The following DOCK3 variants were observed in gnomAD, a reference collection of about 807,000 sequenced individuals.
DOCK3 encodes the protein dedicator of cytokinesis protein 3.
In DOCK3, 60 loss-of-function variants were observed where a neutral mutation model predicts 265.6. The observed-to-expected ratio is 0.23, with a 90% CI of 0.18 to 0.28. The LOEUF is 0.28. DOCK3 is among the 10% of genes least tolerant of loss of function. The pLI is 1.00. For missense variants in DOCK3, 1,981 were observed against 2,594.3 expected, an observed-to-expected ratio of 0.76 and a Z score of 5.14; for synonymous variants, 881 against 938.0, an observed-to-expected ratio of 0.94 and a Z score of 1.11.
chr3:50,961,671 CTTTTGAACCTTA>C (rs1169824910), intron 5 of DOCK3, among the ~76,000 whole-genome samples: 1 of 152,114 alleles, frequency 6.6e-6, no homozygotes, highest in East Asian at 1.9e-4. Context: ...TTTAATTAGA[CTTTTGAACCTTA>C]TTTCTCTAAA....
chr3:50,730,693 C>T (rs1004200249), intron 1 of DOCK3, among the ~76,000 whole-genome samples: 2 of 151,908 alleles, frequency 1.3e-5, no homozygotes, highest in African/African-American at 4.8e-5. Flanking sequence ...TAGCCAGGTG[C>T]TGTGGTGTGC....
intron 35 of DOCK3, chr3:51,336,997 C>A: frequency 2.4e-6 from 1 of 421,682 alleles, no homozygotes; most frequent in South Asian, 1.7e-5. Context: ...CTCAGCCTCA[C>A]TCCTCGAAAA....
At chr3:51,247,534 A>C (rs1015457284) in intron 22 of DOCK3, among the ~76,000 whole-genome samples, 4 of 152,272 alleles carry the variant, frequency 2.6e-5, no homozygotes, top group Admixed American at 2.0e-4. Flanking sequence ...CATCACCTGC[A>C]ACAAGTACTG....
chr3:51,139,258 G>GGGC (rs1553769290), intron 9 of DOCK3, among the ~76,000 whole-genome samples: 10 of 150,244 alleles, frequency 6.7e-5, no homozygotes, highest in African/African-American at 2.5e-4. Context: ...CTGCAGTGGG[G>GGGC]GGAGGGCTAA....
At chr3:51,174,550 T>C (rs2086846680) in intron 12 of DOCK3, among the ~76,000 whole-genome samples, 1 of 152,174 alleles carries the variant, frequency 6.6e-6, no homozygotes, top group Admixed American at 6.5e-5. Flanking sequence ...TAGTTATCTA[T>C]CTGTTCTCTT....
chr3:51,233,773 A>G (rs976403966), intron 19 of DOCK3, among the ~76,000 whole-genome samples: 2 of 152,226 alleles, frequency 1.3e-5, no homozygotes, highest in Admixed American at 6.5e-5. Context: ...ACGCAATTGC[A>G]TTCTTGATTT....
chr3:50,872,685 G>C (rs890270148), intron 3 of DOCK3, among the ~76,000 whole-genome samples: 2 of 152,212 alleles, frequency 1.3e-5, no homozygotes, highest in South Asian at 2.1e-4. Flanking sequence ...CCAGGGACTA[G>C]AGTCAAAAAC....
chr3:51,176,930 C>T (rs940099570), intron 12 of DOCK3, among the ~76,000 whole-genome samples: 5 of 152,170 alleles, frequency 3.3e-5, no homozygotes, highest in Non-Finnish European at 5.9e-5. Flanking sequence ...TCCACTTTTA[C>T]ATTTAAACTA....
At chr3:50,778,652 T>C in intron 1 of DOCK3, 23 bp from the exon 2 acceptor site, 1 of 1,548,690 alleles carries the variant, frequency 6.5e-7, no homozygotes, top group Non-Finnish European at 8.8e-7. Flanking sequence ...TGCTAATTGG[T>C]GTGTTTATCC....
chr3:50,688,021 C>T (rs984407740), intron 1 of DOCK3, among the ~76,000 whole-genome samples: 8 of 152,140 alleles, frequency 5.3e-5, no homozygotes, highest in African/African-American at 1.9e-4. Flanking sequence ...ATATCTTCTG[C>T]TATTTTATTT....
At chr3:51,320,855 C>T (rs1190658744) in intron 32 of DOCK3, among the ~76,000 whole-genome samples, 1 of 152,206 alleles carries the variant, frequency 6.6e-6, no homozygotes, top group African/African-American at 2.4e-5. Context: ...ACCCCCATCT[C>T]CCTGGGACAG....
intron 2 of DOCK3, among the ~76,000 whole-genome samples, chr3:50,796,624 C>T (rs1378245695): frequency 6.6e-6 from 1 of 152,218 alleles, no homozygotes; most frequent in Non-Finnish European, 1.5e-5. Flanking sequence ...AGGCGTGAGC[C>T]ACCGCGTCCA....
At chr3:50,956,740 C>T (rs377694889) in intron 5 of DOCK3, among the ~76,000 whole-genome samples, 16 of 152,102 alleles carry the variant, frequency 1.1e-4, no homozygotes, top group African/African-American at 3.6e-4. Flanking sequence ...TGCCTTGCTT[C>T]GACTCCAAGG....
At chr3:51,116,301 A>C (rs886136464) in intron 9 of DOCK3, among the ~76,000 whole-genome samples, 4 of 151,958 alleles carry the variant, frequency 2.6e-5, no homozygotes, top group African/African-American at 4.8e-5. Flanking sequence ...AATACAAAAA[A>C]TTAGCTGGGC....
chr3:51,352,487 C>G (rs2086064666), intron 40 of DOCK3, among the ~76,000 whole-genome samples: 1 of 152,172 alleles, frequency 6.6e-6, no homozygotes, highest in Non-Finnish European at 1.5e-5. Context: ...TCTAAGCCAT[C>G]CACATCATGC....
intron 26 of DOCK3, 116 bp from the exon 27 acceptor site, chr3:51,279,990 T>G: frequency 1.3e-6 from 1 of 765,172 alleles, no homozygotes; most frequent in South Asian, 1.8e-5. Context: ...GTCATCTTTC[T>G]TCCATGATCA....
chr3:51,346,401 G>A (rs1461397866), intron 38 of DOCK3, among the ~76,000 whole-genome samples: 1 of 151,186 alleles, frequency 6.6e-6, no homozygotes, highest in African/African-American at 2.4e-5. Context: ...TTGGTTTTCT[G>A]TCCTTGCAAT....
intron 33 of DOCK3, among the ~76,000 whole-genome samples, chr3:51,331,835 G>T (rs2084540038): frequency 1.3e-5 from 2 of 152,198 alleles, no homozygotes; most frequent in Non-Finnish European, 2.9e-5. Flanking sequence ...CAAAAGGAGG[G>T]TATAGTGATC....
intron 5 of DOCK3, among the ~76,000 whole-genome samples, chr3:51,018,782 T>G (rs942345432): frequency 6.7e-6 from 1 of 150,142 alleles, no homozygotes. Flanking sequence ...GATTTTCAAC[T>G]TTTAGATTAT....
Sources: allele counts gnomAD v4.1 joint callset (sites outside exome capture counted in the v4.1 genomes callset), GRCh38; gene constraint gnomAD v4.1.1; transcripts MANE v1.5; gene names NCBI Gene and HGNC (gene_info 2026-07-23, HGNC 2026-07-21).